The following DCTN1 variants were observed in gnomAD, a reference collection of about 807,000 sequenced individuals.
DCTN1 encodes dynactin subunit 1, also known as 150 kDa dynein-associated polypeptide.
Under a neutral mutation model 161.2 loss-of-function variants are expected in DCTN1, and 61 were observed. The observed-to-expected ratio is 0.38, with a 90% CI of 0.31 to 0.47. The LOEUF is 0.47. Among genes scored for constraint, DCTN1 ranks in the 20% least tolerant of loss-of-function variants. The probability of loss-of-function intolerance (pLI) is 0.99; values close to 1 mark genes in which losing one functional copy is unlikely to be tolerated. For missense variants in DCTN1, 1,404 were observed against 1,623.7 expected (o/e 0.86, Z 2.33); for synonymous variants, 653 against 632.4 (o/e 1.03, Z -0.49).
chr2:74,371,526 C>A lies in DCTN1; in HGVS notation c.645+11G>T, dbSNP rs1263379005. Reference sequence around the variant, plus strand: ...GTCTTGATTCTCCTTTACCCCTACCCCAGGCCTTACCTTGGATGGGGAAGG... The same window carrying A: ...GTCTTGATTCTCCTTTACCCCTACCACAGGCCTTACCTTGGATGGGGAAGG... On this transcript the variant is annotated intron_variant, in intron 8 of 31. Transcript: ENST00000628224. The A allele has an allele frequency of 1.3e-6, 2 of 1,561,556 alleles. No individual in the cohort carries two copies. The highest frequency in any genetic ancestry group is 1.2e-5 in the South Asian group (1 of 84,824).
rs180693772 is a variant in DCTN1, at chr2:74,362,941, G to A, written c.3529+53C>T. ...CCACCTGAGCAGGGGCTAAATCCCT[G>A]GGCCAAGTGGAGGGGGCAGTTTTAT... is the stretch of plus-strand genomic sequence containing the variant. On this transcript the variant is annotated intron_variant, in intron 29 of 31. Coordinates refer to ENST00000628224, the MANE Select transcript of DCTN1 (RefSeq NM_004082.5). 2.5e-6 allele frequency: 4 copies of A among 1,589,966 alleles called. No individual in the cohort carries two copies. In the Admixed American group the frequency reaches 5.2e-5, roughly 20 times the overall value.
chr2:74,366,600 G>A lies in DCTN1; in HGVS notation c.2487C>T (p.Asp829=). ...FGPQVSDTLL[D]CRKHLTWVVA... ...CGACCCACGTCAAGTGTTTCCTGCAGTCTAGGAGCGTGTCAGATACCTGTG... is the reference window on the plus strand; with the variant it reads ...CGACCCACGTCAAGTGTTTCCTGCAATCTAGGAGCGTGTCAGATACCTGTG... The change falls in exon 22 of 32, where the codon GAC becomes GAT. Residue 829 remains aspartate, a synonymous_variant. Transcript: ENST00000628224. 6.2e-7 allele frequency: 1 copy of A among 1,612,484 alleles called. No individual in the cohort carries two copies. The highest frequency in any genetic ancestry group is 1.1e-5 in the South Asian group (1 of 91,092).
chr2:74,368,817 T>C lies in DCTN1; in HGVS notation c.1765A>G (p.Thr589Ala). Residue 589 changes from threonine (T) to alanine (A), a missense_variant, in exon 16 of 32, where the codon ACA becomes GCA. By Grantham distance (58) the Thr-to-Ala change is moderately conservative (BLOSUM62 0). Coordinates refer to ENST00000628224, the MANE Select transcript of DCTN1 (RefSeq NM_004082.5). ...AGGAAGCTGTCAGGCATGAAGGCTG[T>C]CAGCAGGGACATGTGTCGATTGGCC... ...AQANRHMSLLTAFMPDSFLRP... is the reference protein window; with the variant it reads ...AQANRHMSLLAAFMPDSFLRP... 6.2e-7 allele frequency: 1 copy of C among 1,614,274 alleles called. No individual in the cohort carries two copies.
intron 26 of DCTN1, 97 bp downstream of exon 26, chr2:74,364,977 CG>C: frequency 1.3e-6 from 2 of 1,514,112 alleles, no homozygotes; most frequent in Non-Finnish European, 1.8e-6. Flanking sequence ...GCTGAATACC[CG>C]GGGGTAAGGG....
chr2:74,368,067 G>A lies in DCTN1; in HGVS notation c.1919C>T (p.Pro640Leu), dbSNP rs746797765. ...CTCCCCAGCAGCTCCTCGCAGCCCA[G>A]GCCGCTCTGAACAGTTCTCACTTAG... ...FELSENCSER[P>L]GLRGAAGEQL... The change falls in exon 17 of 32, where the codon CCT (proline) becomes CTT (leucine). Residue 640 changes from proline (P) to leucine (L), a missense_variant. Physicochemically the swap from Pro to Leu is moderately conservative, Grantham distance 98. Around this residue, in one of 9 missense-constraint regions of DCTN1, gnomAD observed 475 missense variants for 489.8 expected, o/e 0.97. Coordinates refer to ENST00000628224, the MANE Select transcript of DCTN1 (RefSeq NM_004082.5). 4 of 1,611,982 alleles carry A rather than the reference G, an allele frequency of 2.5e-6. No individual in the cohort carries two copies. The highest frequency in any genetic ancestry group is 8.5e-7 in the Non-Finnish European group (1 of 1,178,962).
chr2:74,371,597 G>A lies in DCTN1; in HGVS notation c.585C>T (p.Ile195=), dbSNP rs1016485773. The A allele has an allele frequency of 6.3e-7, 1 of 1,588,864 alleles. No homozygotes were observed. The highest frequency in any genetic ancestry group is 1.3e-5 in the African/African-American group (1 of 74,588). The change falls in exon 8 of 32, where the codon ATC becomes ATT. Residue 195 remains isoleucine (I), a synonymous_variant. Coordinates refer to ENST00000628224, the MANE Select transcript of DCTN1 (RefSeq NM_004082.5). ...TPAQTPLAAP[I]IPTPVLTSPG... ...GAGAGGTGAGGACCGGCGTGGGGAT[G>A]ATGGGTGCTGCCAGCGGAGTCTGAG...
At chr2:74,371,930 A>C in intron 7 of DCTN1, 2 of 572,698 alleles carry the variant, frequency 3.5e-6, no homozygotes, top group Non-Finnish European at 3.1e-6. Context: ...GATAGTGACA[A>C]AGGACAGGGG....
intron 7 of DCTN1, 68 bp from the exon 8 acceptor site, chr2:74,371,796 C>A: frequency 7.7e-7 from 1 of 1,304,052 alleles, no homozygotes; most frequent in Non-Finnish European, 1.1e-6. Context: ...GGAACAGAAA[C>A]AGAATATGAG....
chr2:74,369,454 T>C lies in DCTN1; in HGVS notation c.1430A>G (p.Asn477Ser), dbSNP rs756081164. The stretch of plus-strand genomic sequence containing the variant: ...CAGCTCCAGTTCTGTCTCACGTGCA[T>C]TCTCCTGCAGCTCATCGTTCATCTC... ...MNEMNDELQE[N>S]ARETELELRE... is the part of the protein sequence containing the mutation. Residue 477 changes from asparagine (N) to serine (S), a missense_variant, in exon 14 of 32, where the codon AAT (asparagine) becomes AGT (serine). Physicochemically the swap from Asn to Ser is conservative, Grantham distance 46. Around this residue, in one of 9 missense-constraint regions of DCTN1, gnomAD observed 278 missense variants for 363.8 expected, o/e 0.76. Transcript: ENST00000628224. This position sits in a 1 kb window ranked among gnomAD's most constrained non-coding sequence, Gnocchi z 4.9. 6 of 1,614,018 alleles carry C rather than the reference T, an allele frequency of 3.7e-6. No individual in the cohort carries two copies. Among genetic ancestry groups the C allele is most frequent in the Non-Finnish European group, 5.1e-6 (6 of 1,180,038 alleles).
rs1162303956 is a variant in DCTN1, at chr2:74,368,095, C to G, written c.1891G>C (p.Glu631Gln). The change falls in exon 17 of 32, where the codon GAA (glutamate) becomes CAA (glutamine). Residue 631 changes from glutamate to glutamine, a missense_variant. Glu to Gln is a conservative substitution (Grantham distance 29, BLOSUM62 2). Transcript: ENST00000628224. ...CGCTCTGAACAGTTCTCACTTAGTT[C>G]AAACTTCTCCTGGGCCTGCTTCCGG... is the stretch of plus-strand genomic sequence containing the variant. The part of the protein sequence containing the change: ...LIRKQAQEKF[E>Q]LSENCSERPG... The G allele has an allele frequency of 1.2e-6, 2 of 1,603,010 alleles. No homozygotes were observed. The highest frequency in any genetic ancestry group is 3.4e-5 in the Admixed American group (2 of 58,378).
At chr2:74,382,583 AGACT>A (rs1255648730), upstream of DCTN1, among the ~76,000 whole-genome samples, 1 of 148,608 alleles carries the variant, frequency 6.7e-6, no homozygotes, top group Admixed American at 6.7e-5. Context: ...CCAGGGCGAC[AGACT>A]GAGACTCAAA....
upstream of DCTN1, chr2:74,384,959 G>A (rs1427451163): frequency 2.0e-5 from 3 of 152,256 alleles, no homozygotes; most frequent in African/African-American, 7.2e-5. Flanking sequence ...AATGGAGGCT[G>A]GGAGACTGGA....
At chr2:74,373,217 A>G (rs1674997994) in intron 6 of DCTN1, 2 of 535,072 alleles carry the variant, frequency 3.7e-6, no homozygotes, top group Non-Finnish European at 6.8e-6. Context: ...CACCCCAGAA[A>G]TCCCAGAAGT....
At chr2:74,373,915 TG>T (rs1355611231) in intron 6 of DCTN1, among the ~76,000 whole-genome samples, 1 of 152,136 alleles carries the variant, frequency 6.6e-6, no homozygotes, top group Non-Finnish European at 1.5e-5. Flanking sequence ...TCCTGGGGAT[TG>T]GGGGATACTG....
chr2:74,379,237 G>C (rs2103730374), intron 1 of DCTN1, among the ~76,000 whole-genome samples: 1 of 152,292 alleles, frequency 6.6e-6, no homozygotes, highest in South Asian at 2.1e-4. Flanking sequence ...GCAACTCCAT[G>C]AACCAGGGGC....
chr2:74,370,586 G>A lies in DCTN1; in HGVS notation c.1048+35C>T, dbSNP rs766122148. The A allele has an allele frequency of 5.0e-6, 8 of 1,614,028 alleles. No homozygotes were observed. Among genetic ancestry groups the A allele is most frequent in the Non-Finnish European group, 2.5e-6 (3 of 1,180,030 alleles). On this transcript the variant is annotated intron_variant, in intron 10 of 31. Coordinates refer to ENST00000628224, the MANE Select transcript of DCTN1 (RefSeq NM_004082.5). This position sits in a 1 kb window ranked among gnomAD's most constrained non-coding sequence, Gnocchi z 4.4. The stretch of plus-strand genomic sequence containing the variant: ...ACACTTTCAGGCATGGTTCTCACCT[G>A]ACCGTTTGGCCCCCAGCAGCTGTGG...
chr2:74,366,224 C>A lies in DCTN1; in HGVS notation c.2760+20G>T, dbSNP rs371973468. 2.5e-5 allele frequency: 40 copies of A among 1,613,892 alleles called. No homozygotes were observed. Among genetic ancestry groups the A allele is most frequent in the Non-Finnish European group, 3.1e-5 (37 of 1,179,992 alleles). On this transcript the variant is annotated intron_variant, in intron 23 of 31. Coordinates refer to ENST00000628224, the MANE Select transcript of DCTN1 (RefSeq NM_004082.5). ...ACTCCTACAGGCCTCTGCAACTTCT[C>A]CAAGGAAATCTCCACCTACCTTGCT... is the stretch of plus-strand genomic sequence containing the variant.
intron 1 of DCTN1, among the ~76,000 whole-genome samples, chr2:74,386,069 C>T (rs539613891): frequency 6.6e-6 from 1 of 152,258 alleles, no homozygotes; most frequent in African/African-American, 2.4e-5. Flanking sequence ...CTGGAAAAAT[C>T]ACTCAAGAAT....
At position 74,365,978 on chromosome 2, in the gene DCTN1, T is replaced by C; in HGVS notation, c.2801A>G (p.Glu934Gly). 1 of 1,614,254 alleles carries C rather than the reference T, an allele frequency of 6.2e-7. No homozygotes were observed. The highest frequency in any genetic ancestry group is 8.5e-7 in the Non-Finnish European group (1 of 1,180,044). ...VELRAAALRA[E>G]ITDAEGLGLK... ...ACCCAGGCCTTCAGCATCTGTGATCTCTGCACGAAGGGCAGCAGCCCGCAG... is the reference window on the plus strand; with the variant it reads ...ACCCAGGCCTTCAGCATCTGTGATCCCTGCACGAAGGGCAGCAGCCCGCAG... The change falls in exon 24 of 32, where the codon GAG becomes GGG. Residue 934 changes from glutamate to glycine, a missense_variant. Transcript: ENST00000628224.
Sources: gnomAD v4.1 joint callset for allele counts (sites outside exome capture counted in the v4.1 genomes callset) on GRCh38, gnomAD v4.1.1 for gene constraint, gnomAD v4.1.1 regional missense constraint, Gnocchi (gnomAD v3.1) non-coding constraint, MANE v1.5 for transcripts, NCBI Gene and HGNC (gene_info 2026-07-23, HGNC 2026-07-21) for gene names.